Variants in CSTA observed in about 807,000 individuals in gnomAD.
CSTA encodes cystatin-A.
A neutral mutation model predicts 9.2 loss-of-function variants in CSTA; 9 were observed. The observed-to-expected ratio is 0.97, with a 90% CI of 0.59 to 1.70. The LOEUF (loss-of-function observed/expected upper bound fraction) is 1.70, where lower values mean the gene tolerates loss of function less well. Among genes scored for constraint, CSTA ranks in the 40% most tolerant of loss-of-function variants. The pLI, the probability that CSTA is intolerant of heterozygous loss-of-function variation, is 0.00. For missense variants in CSTA, 118 were observed against 113.1 expected (o/e 1.04, Z -0.20); for synonymous variants, 36 against 40.6 (o/e 0.89, Z 0.43).
At chr3:122,339,237 C>T (rs1441133952) in intron 2 of CSTA, among the ~76,000 whole-genome samples, 1 of 152,182 alleles carries the variant, frequency 6.6e-6, no homozygotes, top group Non-Finnish European at 1.5e-5. Flanking sequence ...GCCTTCATTC[C>T]CTTATCTGCA....
intron 1 of CSTA, among the ~76,000 whole-genome samples, chr3:122,335,020 G>A (rs942925674): frequency 1.6e-4 from 25 of 152,144 alleles, no homozygotes; most frequent in African/African-American, 5.3e-4. Context: ...GGCAGAAGAC[G>A]AGCTTTACAC....
chr3:122,338,270 T>C (rs1011834209), intron 2 of CSTA: 5 of 152,216 alleles, frequency 3.3e-5, no homozygotes, highest in African/African-American at 1.2e-4. Context: ...CGAGTTCTAA[T>C]TGAAGTTATC....
At chr3:122,331,800 C>G (rs1386912013) in intron 1 of CSTA, among the ~76,000 whole-genome samples, 1 of 152,176 alleles carries the variant, frequency 6.6e-6, no homozygotes, top group Non-Finnish European at 1.5e-5. Flanking sequence ...CCCCCATGGT[C>G]CCTCCAGCAG....
In CSTA at chr3:122,328,966, T is replaced by A. The variant is rs897657163; in HGVS notation, c.66+3608T>A. 2.1e-4 allele frequency among the ~76,000 whole-genome samples: 31 copies of A among 148,730 alleles called. 1 individual carries two copies. Among genetic ancestry groups the A allele is most frequent in the African/African-American group, 5.1e-4 (21 of 41,230 alleles). On this transcript the variant is annotated intron_variant, in intron 1 of 2. Transcript: ENST00000264474. ...AAAAAGTAAAAAAAAATTAAAAATT[T>A]AAAATTTAATTTTTTTTTTGACGGA... is the stretch of plus-strand genomic sequence containing the variant.
chr3:122,340,569 G>T (rs1215012469), intron 2 of CSTA, among the ~76,000 whole-genome samples: 1 of 152,208 alleles, frequency 6.6e-6, no homozygotes, highest in Non-Finnish European at 1.5e-5. Flanking sequence ...CTCCCAAAGT[G>T]CTGGGATTAT....
intron 1 of CSTA, among the ~76,000 whole-genome samples, chr3:122,329,255 C>T (rs949730856): frequency 2.6e-5 from 4 of 151,900 alleles, no homozygotes; most frequent in East Asian, 2.0e-4. Flanking sequence ...CGTGAGCCAC[C>T]GCGCCCAGCC....
chr3:122,327,157 G>C (rs1435674448), intron 1 of CSTA, among the ~76,000 whole-genome samples: 2 of 151,902 alleles, frequency 1.3e-5, no homozygotes, highest in African/African-American at 4.8e-5. Flanking sequence ...AGAATTACTT[G>C]AGCCCAGGAT....
At chr3:122,334,296 TCA>T (rs1021138411) in intron 1 of CSTA, among the ~76,000 whole-genome samples, 4 of 152,142 alleles carry the variant, frequency 2.6e-5, no homozygotes, top group African/African-American at 7.2e-5. Context: ...GTCTGAGAAC[TCA>T]CAGTTTGCAT....
intron 1 of CSTA, among the ~76,000 whole-genome samples, chr3:122,336,466 T>G (rs1263525733): frequency 6.6e-6 from 1 of 152,188 alleles, no homozygotes; most frequent in Non-Finnish European, 1.5e-5. Flanking sequence ...TGAGTCATAT[T>G]AATATAAAAT....
intron 1 of CSTA, among the ~76,000 whole-genome samples, chr3:122,333,677 A>G (rs1307642312): frequency 6.8e-6 from 1 of 147,294 alleles, no homozygotes; most frequent in Non-Finnish European, 1.5e-5. Context: ...GGAAGAAAGA[A>G]AGAAGAAAGA....
At chr3:122,341,269 G>A (rs1021660637) in intron 2 of CSTA, among the ~76,000 whole-genome samples, 170 bp from the exon 3 acceptor site, 1 of 152,112 alleles carries the variant, frequency 6.6e-6, no homozygotes, top group African/African-American at 2.4e-5. Flanking sequence ...CTAAAATAAG[G>A]TGGTGGATTT....
At chr3:122,338,523 A>T (rs1310318335) in intron 2 of CSTA, among the ~76,000 whole-genome samples, 1 of 151,522 alleles carries the variant, frequency 6.6e-6, no homozygotes, top group African/African-American at 2.4e-5. Flanking sequence ...AAAGTAAGTG[A>T]AGTAAGTGGA....
chr3:122,339,102 T>C (rs569215400), intron 2 of CSTA, among the ~76,000 whole-genome samples: 2 of 152,292 alleles, frequency 1.3e-5, no homozygotes, highest in African/African-American at 4.8e-5. Flanking sequence ...ACCTTCTCTA[T>C]GTATTTCAAG....
Position 122,333,734 on chromosome 3 carries a change from G to GAAAGAAAGAA in CSTA, c.67-3812_67-3811insAAGAAAGAAA, listed in dbSNP as rs1491184000. On this transcript the variant is annotated intron_variant, in intron 1 of 2. Coordinates refer to ENST00000264474, the MANE Select transcript of CSTA (RefSeq NM_005213.4). ...AAAGAAAGAAAGAGAAAGAAAGAAA[G>GAAAGAAAGAA]AGAAAGAAAGAAAAGAAAAGAAAGG... 3.6e-3 allele frequency among the ~76,000 whole-genome samples: 520 copies of GAAAGAAAGAA among 144,566 alleles called. 4 individuals are homozygous for GAAAGAAAGAA. Among genetic ancestry groups the GAAAGAAAGAA allele is most frequent in the African/African-American group, 0.013 (501 of 38,502 alleles). 94.8% of individuals were successfully genotyped at this position (144,566 alleles called of 152,430 possible). A position where few individuals can be genotyped will look rare whatever the true frequency, so the allele number is the denominator to read the frequency against.
chr3:122,341,086 C>A (rs942472211), intron 2 of CSTA, among the ~76,000 whole-genome samples: 2 of 152,054 alleles, frequency 1.3e-5, no homozygotes, highest in African/African-American at 4.8e-5. Context: ...GGATTACAGG[C>A]ATGCACCACC....
intron 1 of CSTA, among the ~76,000 whole-genome samples, chr3:122,327,869 T>C (rs561900025): frequency 1.3e-5 from 2 of 152,288 alleles, no homozygotes; most frequent in South Asian, 4.1e-4. Context: ...ATCACTCGAT[T>C]AGCAAGAATT....
At chr3:122,329,465 C>G (rs2075191110) in intron 1 of CSTA, among the ~76,000 whole-genome samples, 1 of 152,066 alleles carries the variant, frequency 6.6e-6, no homozygotes, top group Admixed American at 6.5e-5. Flanking sequence ...ACTTGGGAGG[C>G]TTAGGTGAGA....
At chr3:122,340,306 T>C (rs1409653856) in intron 2 of CSTA, among the ~76,000 whole-genome samples, 1 of 152,100 alleles carries the variant, frequency 6.6e-6, no homozygotes, top group Admixed American at 6.5e-5. Flanking sequence ...TTAGCTTTTT[T>C]TTTTCTTTTC....
At chr3:122,335,019 C>T (rs911403708) in intron 1 of CSTA, among the ~76,000 whole-genome samples, 1 of 152,180 alleles carries the variant, frequency 6.6e-6, no homozygotes, top group Non-Finnish European at 1.5e-5. Context: ...CGGCAGAAGA[C>T]GAGCTTTACA....
Sources: gnomAD v4.1 joint callset for allele counts (sites outside exome capture counted in the v4.1 genomes callset) on GRCh38, gnomAD v4.1.1 for gene constraint, MANE v1.5 for transcripts, NCBI Gene and HGNC (gene_info 2026-07-23, HGNC 2026-07-21) for gene names.